PAPPA: variants seen among roughly 807,000 people sequenced by gnomAD.
PAPPA encodes the protein pappalysin 1.
PAPPA carries 60 observed loss-of-function variants against 164.0 expected under a neutral mutation model. The observed-to-expected ratio is 0.37, with a 90% CI of 0.30 to 0.45. The LOEUF is 0.45. Ranked by LOEUF, PAPPA falls within the 20% of genes least tolerant of loss-of-function variation. The pLI, the probability that PAPPA is intolerant of heterozygous loss-of-function variation, is 1.00. For missense variants in PAPPA, 1,782 were observed against 2,087.3 expected (o/e 0.85, Z 2.85); for synonymous variants, 875 against 814.1 (o/e 1.07, Z -1.27).
chr9:116,192,701 A>G (rs1844057707), intron 2 of PAPPA, among the ~76,000 whole-genome samples: 1 of 152,252 alleles, frequency 6.6e-6, no homozygotes, highest in Non-Finnish European at 1.5e-5. Flanking sequence ...GAAAAAAGAC[A>G]TTCCAGGTGA....
At chr9:116,343,677 G>A (rs564273994) in intron 13 of PAPPA, among the ~76,000 whole-genome samples, 3 of 152,312 alleles carry the variant, frequency 2.0e-5, no homozygotes, top group African/African-American at 7.2e-5. Context: ...GCTCAGAGAT[G>A]TGATGTACTT....
intron 10 of PAPPA, among the ~76,000 whole-genome samples, chr9:116,307,653 C>T (rs1845663872): frequency 6.6e-6 from 1 of 151,934 alleles, no homozygotes; most frequent in Non-Finnish European, 1.5e-5. Flanking sequence ...TGTAATATAA[C>T]AATTTATACA....
intron 2 of PAPPA, among the ~76,000 whole-genome samples, chr9:116,192,443 G>A (rs752073569): frequency 1.8e-4 from 27 of 152,192 alleles, no homozygotes; most frequent in Middle Eastern, 3.2e-3. Context: ...TTAATCCTCT[G>A]TTCCTTCCTC....
rs950983167 is a variant in PAPPA, at chr9:116,162,953, TA to T, written c.415+8375del. 5.3e-5 allele frequency among the ~76,000 whole-genome samples: 8 copies of T among 151,366 alleles called. No homozygotes were observed. The East Asian group carries it at 5.8e-4, about 11-fold the overall frequency. ...AAGATAAACACATTATTGTGTCATT[TA>T]AAAAAAAATAGTGCATGCTCATTGT... On this transcript the variant is annotated intron_variant, in intron 1 of 21. Transcript: ENST00000328252.
intron 10 of PAPPA, among the ~76,000 whole-genome samples, chr9:116,310,746 C>G (rs1330388468): frequency 7.9e-5 from 12 of 152,132 alleles, no homozygotes; most frequent in Admixed American, 7.9e-4. Flanking sequence ...CTGAAAAACT[C>G]TGAGTGACTG....
chr9:116,170,626 C>G (rs770900386), intron 1 of PAPPA, among the ~76,000 whole-genome samples: 16 of 147,138 alleles, frequency 1.1e-4, no homozygotes, highest in Non-Finnish European at 2.4e-4. Context: ...CTTATCTCCC[C>G]CCACTCCCTC....
chr9:116,257,310 G>C (rs886748023), intron 7 of PAPPA, among the ~76,000 whole-genome samples: 5 of 151,828 alleles, frequency 3.3e-5, no homozygotes, highest in African/African-American at 1.2e-4. Context: ...TAGTAAACTG[G>C]GAATAAGTAC....
At chr9:116,308,106 A>C (rs1012261079) in intron 10 of PAPPA, among the ~76,000 whole-genome samples, 1 of 152,248 alleles carries the variant, frequency 6.6e-6, no homozygotes, top group Non-Finnish European at 1.5e-5. Flanking sequence ...TTGCGTCAGC[A>C]AACGTTTGCT....
chr9:116,245,184 G>T (rs955989281), intron 7 of PAPPA, among the ~76,000 whole-genome samples: 2 of 152,032 alleles, frequency 1.3e-5, no homozygotes, highest in South Asian at 4.2e-4. Flanking sequence ...GGGGGTGGAT[G>T]ATGGGCAATT....
intron 18 of PAPPA, among the ~76,000 whole-genome samples, chr9:116,365,931 G>A (rs947402272): frequency 6.6e-6 from 1 of 152,110 alleles, no homozygotes; most frequent in Non-Finnish European, 1.5e-5. Context: ...TTTGTGCCCT[G>A]AGCTTTGTGC....
intron 1 of PAPPA, among the ~76,000 whole-genome samples, chr9:116,180,242 G>T (rs1162526530): frequency 6.6e-6 from 1 of 151,968 alleles, no homozygotes; most frequent in African/African-American, 2.4e-5. Context: ...TTCACCCAGG[G>T]ACCACAGCAC....
chr9:116,202,756 T>A (rs1275893255), intron 2 of PAPPA, among the ~76,000 whole-genome samples: 1 of 152,134 alleles, frequency 6.6e-6, no homozygotes. Flanking sequence ...GGTCACATAT[T>A]TTTGGGTACA....
rs78092729 is a variant in PAPPA at position 116,270,110 on chromosome 9, G to C, written c.2862-1215G>C. 7.6e-3 allele frequency among the ~76,000 whole-genome samples: 1,150 copies of C among 152,282 alleles called. 6 individuals carry two copies. Among genetic ancestry groups the C allele is most frequent in the Non-Finnish European group, 0.011 (776 of 68,024 alleles). On this transcript the variant is annotated intron_variant, in intron 8 of 21. Coordinates refer to ENST00000328252, the MANE Select transcript of PAPPA (RefSeq NM_002581.5). ...CAGGTCCCAGCTGGTCTCTGGGGAG[G>C]GAGGGACAGCTGTCACACACTCTGC...
chr9:116,332,922 C>T (rs928355425), intron 12 of PAPPA: 2 of 154,848 alleles, frequency 1.3e-5, no homozygotes, highest in South Asian at 2.0e-4. Context: ...GTTCATGACC[C>T]TCCACCCCAA....
chr9:116,302,158 T>A (rs1845586502), intron 9 of PAPPA, among the ~76,000 whole-genome samples: 1 of 152,188 alleles, frequency 6.6e-6, no homozygotes, highest in African/African-American at 2.4e-5. Flanking sequence ...AATAATATCT[T>A]CCACATGAAG....
At chr9:116,164,497 T>A (rs2118979760) in intron 1 of PAPPA, among the ~76,000 whole-genome samples, 1 of 152,326 alleles carries the variant, frequency 6.6e-6, no homozygotes, top group Admixed American at 6.5e-5. Context: ...TGGAGGAAGC[T>A]AAGACATAAA....
intron 4 of PAPPA, among the ~76,000 whole-genome samples, chr9:116,215,947 AAC>A (rs1275364800): frequency 4.4e-5 from 5 of 114,306 alleles, no homozygotes; most frequent in Non-Finnish European, 8.9e-5. Context: ...TCCATATACA[AAC>A]ACATATATAT....
intron 9 of PAPPA, among the ~76,000 whole-genome samples, chr9:116,272,696 T>C (rs1845151429): frequency 6.6e-6 from 1 of 152,192 alleles, no homozygotes; most frequent in Non-Finnish European, 1.5e-5. Flanking sequence ...CCTTGGGTTT[T>C]AAATTGCCAA....
At chr9:116,377,517 C>A in intron 19 of PAPPA, 59 bp from the exon 20 acceptor site, 1 of 1,196,354 alleles carries the variant, frequency 8.4e-7, no homozygotes. Flanking sequence ...AATGCCAACA[C>A]GGAGGTGGGT....
Sources: allele counts gnomAD v4.1 joint callset (sites outside exome capture counted in the v4.1 genomes callset), GRCh38; gene constraint gnomAD v4.1.1; transcripts MANE v1.5; gene names NCBI Gene and HGNC (gene_info 2026-07-23, HGNC 2026-07-21).